The following CTTNBP2 variants were observed in gnomAD, a reference collection of about 807,000 sequenced individuals.
The protein encoded by CTTNBP2 is cortactin binding protein 2.
A neutral mutation model predicts 156.9 loss-of-function variants in CTTNBP2; 108 were observed. The observed-to-expected ratio is 0.69, with a 90% CI of 0.59 to 0.81. The LOEUF (loss-of-function observed/expected upper bound fraction) is 0.81, where lower values mean the gene tolerates loss of function less well. CTTNBP2 is among the 30% of genes least tolerant of loss of function. CTTNBP2 has a pLI of 0.00. For missense variants in CTTNBP2, 1,924 were observed against 2,035.4 expected, an observed-to-expected ratio of 0.95 and a Z score of 1.05; for synonymous variants, 767 against 751.8, an observed-to-expected ratio of 1.02 and a Z score of -0.33.
chr7:117,743,277 T>G (rs1448539608), intron 14 of CTTNBP2, among the ~76,000 whole-genome samples: 1 of 152,210 alleles, frequency 6.6e-6, no homozygotes, highest in Non-Finnish European at 1.5e-5. Context: ...ATACTTTAGC[T>G]TCTTATTTTG....
At chr7:117,724,820 C>T in intron 18 of CTTNBP2, 88 bp from the exon 19 acceptor site, 1 of 1,425,576 alleles carries the variant, frequency 7.0e-7, no homozygotes, top group Non-Finnish European at 9.6e-7. Context: ...ACGGACTGTT[C>T]AAAATAATGC....
At chr7:117,826,179 A>G (rs781763977) in intron 2 of CTTNBP2, among the ~76,000 whole-genome samples, 1 of 152,208 alleles carries the variant, frequency 6.6e-6, no homozygotes, top group Non-Finnish European at 1.5e-5. Context: ...AACATAGCCA[A>G]TTATGTCAAC....
intron 2 of CTTNBP2, among the ~76,000 whole-genome samples, chr7:117,845,410 T>C (rs942316394): frequency 6.6e-6 from 1 of 152,254 alleles, no homozygotes; most frequent in Non-Finnish European, 1.5e-5. Flanking sequence ...TTATATGTGT[T>C]CATTAATGCA....
At chr7:117,796,029 C>T (rs1416817723) in intron 3 of CTTNBP2, among the ~76,000 whole-genome samples, 1 of 152,206 alleles carries the variant, frequency 6.6e-6, no homozygotes, top group African/African-American at 2.4e-5. Context: ...CTTAGTCTCT[C>T]TTTACAGACT....
Position 117,777,578 on chromosome 7 carries a change from T to A in CTTNBP2, c.2711A>T (p.Asp904Val). 2 of 1,613,952 alleles carry A rather than the reference T, an allele frequency of 1.2e-6. No individual in the cohort carries two copies. The highest frequency in any genetic ancestry group is 1.7e-6 in the Non-Finnish European group (2 of 1,179,946). Residue 904 changes from aspartate (D) to valine (V), a missense_variant, in exon 8 of 23, where the codon GAC becomes GTC. Transcript: ENST00000160373. ...EGISKPVVPA[D>V]LINHANREGW... ...TTCTCTGTTGGCGTGGTTAATGAGG[T>A]CTGCAGGAACAACAGGCTTGGATAT...
chr7:117,735,721 G>A (rs1270656110), intron 14 of CTTNBP2, among the ~76,000 whole-genome samples: 1 of 152,130 alleles, frequency 6.6e-6, no homozygotes, highest in Non-Finnish European at 1.5e-5. Context: ...ACAACAAATA[G>A]AAAGCGAACA....
At chr7:117,802,437 C>CAAAAAAAAAAAAAAAAAAAAAAA (rs759797673) in intron 3 of CTTNBP2, among the ~76,000 whole-genome samples, 11 of 83,762 alleles carry the variant, frequency 1.3e-4, no homozygotes, top group East Asian at 1.0e-3. Context: ...TCAGCATTGG[C>CAAAAAAAAAAAAAAAAAAAAAAA]AAAAAAAAAA....
chr7:117,745,095 C>G (rs762483779), intron 14 of CTTNBP2, among the ~76,000 whole-genome samples: 5 of 152,290 alleles, frequency 3.3e-5, no homozygotes, highest in Non-Finnish European at 7.3e-5. Flanking sequence ...GTATGCAATG[C>G]AGGGTTATGC....
chr7:117,842,436 C>T (rs1802333403), intron 2 of CTTNBP2, among the ~76,000 whole-genome samples: 1 of 152,178 alleles, frequency 6.6e-6, no homozygotes, highest in African/African-American at 2.4e-5. Flanking sequence ...CTGCTGACCT[C>T]AGGTGATCTG....
Position 117,792,600 on chromosome 7 carries a change from A to G in CTTNBP2, c.596T>C (p.Leu199Pro), listed in dbSNP as rs1799094190. The change falls in exon 4 of 23, where the codon CTG (leucine) becomes CCG (proline). Residue 199 changes from leucine (L) to proline (P), a missense_variant. Physicochemically the swap from Leu to Pro is moderately conservative, Grantham distance 98 (BLOSUM62 -3). Coordinates refer to ENST00000160373, the MANE Select transcript of CTTNBP2 (RefSeq NM_033427.3). This position sits in a 1 kb window ranked among gnomAD's most constrained non-coding sequence, Gnocchi z 4.2. Reference sequence around the variant, plus strand: ...ATTCGTCTTTTTCTTTTCCTCTTCCAGTTTGGCCATTACGTCTTCGAGCTT... The same window carrying G: ...ATTCGTCTTTTTCTTTTCCTCTTCCGGTTTGGCCATTACGTCTTCGAGCTT... ...AQKLEDVMAK[L>P]EEEKKKTNEL... The G allele has an allele frequency of 6.2e-7, 1 of 1,613,968 alleles. No individual in the cohort carries two copies. Among genetic ancestry groups the G allele is most frequent in the Middle Eastern group, 1.6e-4 (1 of 6,062 alleles).
intron 3 of CTTNBP2, among the ~76,000 whole-genome samples, chr7:117,798,924 A>C (rs1414046425): frequency 2.0e-5 from 3 of 151,962 alleles, no homozygotes; most frequent in Admixed American, 6.6e-5. Flanking sequence ...ACTTTGTGCC[A>C]ATAAGTTCAA....
chr7:117,790,171 C>A (rs1006529024), intron 4 of CTTNBP2, among the ~76,000 whole-genome samples: 2 of 152,150 alleles, frequency 1.3e-5, no homozygotes, highest in African/African-American at 4.8e-5. Context: ...AAAGTGTCAA[C>A]AGAACTTTGT....
chr7:117,852,659 C>T (rs945342112), intron 2 of CTTNBP2, among the ~76,000 whole-genome samples: 4 of 152,150 alleles, frequency 2.6e-5, no homozygotes, highest in African/African-American at 7.2e-5. Flanking sequence ...ATCTTCAAGG[C>T]TTTACTTCTG....
intron 1 of CTTNBP2, among the ~76,000 whole-genome samples, chr7:117,865,365 T>C (rs1804102516): frequency 6.6e-6 from 1 of 151,758 alleles, no homozygotes; most frequent in Non-Finnish European, 1.5e-5. Flanking sequence ...AAAAACAAAG[T>C]AAAACCAGAC....
intron 21 of CTTNBP2, among the ~76,000 whole-genome samples, chr7:117,719,208 TAAAAA>T (rs1374364352): frequency 6.6e-6 from 1 of 151,856 alleles, no homozygotes; most frequent in African/African-American, 2.4e-5. Context: ...TCTCCAAAAA[TAAAAA>T]AGAAAAGCTG....
At chr7:117,873,139 G>A (rs573812350) in intron 1 of CTTNBP2, among the ~76,000 whole-genome samples, 196 bp downstream of exon 1, 3 of 152,306 alleles carry the variant, frequency 2.0e-5, no homozygotes, top group African/African-American at 4.8e-5. Context: ...CCCCAGCCAG[G>A]GTGGCCGCTC....
At chr7:117,813,949 C>T (rs1174156784) in intron 2 of CTTNBP2, among the ~76,000 whole-genome samples, 2 of 152,174 alleles carry the variant, frequency 1.3e-5, no homozygotes, top group Admixed American at 6.5e-5. Flanking sequence ...GCATCTTGTT[C>T]CTCACTTTGG....
chr7:117,801,169 A>C (rs1288874945), intron 3 of CTTNBP2, among the ~76,000 whole-genome samples: 1 of 152,130 alleles, frequency 6.6e-6, no homozygotes, highest in African/African-American at 2.4e-5. Context: ...AGAAGGAATA[A>C]TGGGGTTGAA....
At chr7:117,807,420 G>C (rs958683314) in intron 3 of CTTNBP2, among the ~76,000 whole-genome samples, 1 of 152,178 alleles carries the variant, frequency 6.6e-6, no homozygotes, top group African/African-American at 2.4e-5. Flanking sequence ...AAGTACAATT[G>C]TAAGAAGAAA....
Sources: allele counts gnomAD v4.1 joint callset (sites outside exome capture counted in the v4.1 genomes callset), GRCh38; gene constraint gnomAD v4.1.1; non-coding constraint Gnocchi (gnomAD v3.1); transcripts MANE v1.5; gene names NCBI Gene and HGNC (gene_info 2026-07-23, HGNC 2026-07-21).